Variants in EYS observed in about 807,000 individuals in gnomAD.
EYS encodes protein eyes shut homolog.
In EYS, 250 loss-of-function variants were observed where a neutral mutation model predicts 282.1. The ratio of observed to expected loss-of-function variants is 0.89; its 90% confidence interval spans 0.80 to 0.98. The LOEUF (loss-of-function observed/expected upper bound fraction) is 0.98, where lower values mean the gene tolerates loss of function less well. Among genes scored for constraint, EYS ranks in the 50% least tolerant of loss-of-function variants. EYS has a pLI of 0.00. For synonymous variants in EYS, 1,355 were observed against 1,282.9 expected, an observed-to-expected ratio of 1.06 and a Z score of -1.20; for missense variants, 4,016 against 3,709.0, an observed-to-expected ratio of 1.08 and a Z score of -2.15.
intron 36 of EYS, among the ~76,000 whole-genome samples, chr6:63,849,398 A>G (rs1223982096): frequency 1.3e-5 from 2 of 152,098 alleles, no homozygotes; most frequent in African/African-American, 4.8e-5. Context: ...ACTGGGAGAT[A>G]CCTCCCAGCA....
intron 1 of EYS, among the ~76,000 whole-genome samples, chr6:65,691,430 T>C (rs1769239397): frequency 6.7e-6 from 1 of 150,368 alleles, no homozygotes; most frequent in Non-Finnish European, 1.5e-5. Flanking sequence ...GATAGGGTTG[T>C]TTGTTTTTTT....
At chr6:64,470,175 A>T (rs1776077227) in intron 26 of EYS, among the ~76,000 whole-genome samples, 1 of 152,092 alleles carries the variant, frequency 6.6e-6, no homozygotes, top group South Asian at 2.1e-4. Flanking sequence ...CCCCGGGCCC[A>T]GTTGTCTTTT....
At chr6:64,178,056 G>A (rs1764687023) in intron 31 of EYS, among the ~76,000 whole-genome samples, 1 of 152,034 alleles carries the variant, frequency 6.6e-6, no homozygotes, top group Admixed American at 6.6e-5. Flanking sequence ...TCTTCCCTAG[G>A]TTTGTTTTTT....
chr6:64,232,138 C>T (rs1248783286), intron 30 of EYS, among the ~76,000 whole-genome samples: 1 of 152,036 alleles, frequency 6.6e-6, no homozygotes, highest in Non-Finnish European at 1.5e-5. Flanking sequence ...TCTTTCGCAA[C>T]CTGAAATTCT....
At chr6:64,747,395 G>T (rs1772593340) in intron 22 of EYS, among the ~76,000 whole-genome samples, 1 of 152,100 alleles carries the variant, frequency 6.6e-6, no homozygotes, top group Non-Finnish European at 1.5e-5. Context: ...TTTGTTTTGA[G>T]ATGGAGTCTG....
intron 12 of EYS, among the ~76,000 whole-genome samples, chr6:65,273,936 A>G (rs1459998912): frequency 6.6e-6 from 1 of 152,148 alleles, no homozygotes; most frequent in Admixed American, 6.5e-5. Flanking sequence ...TTTAAGGACT[A>G]CTGGACACTG....
rs1299497769 is a variant in EYS at position 65,443,387 on chromosome 6, T to C, written c.863-38020A>G. Among the ~76,000 whole-genome samples the C allele has an allele frequency of 1.3e-5, 2 of 149,850 alleles. 1 individual carries two copies. Among genetic ancestry groups the C allele is most frequent in the Non-Finnish European group, 3.0e-5 (2 of 67,120 alleles). On this transcript the variant is annotated intron_variant, in intron 5 of 42. Transcript: ENST00000503581. ...ACATGTATGTACACATATAGACATA[T>C]ATGCATACATGTATGTACACATATA...
At chr6:64,769,588 A>C (rs930101288) in intron 22 of EYS, among the ~76,000 whole-genome samples, 1 of 152,046 alleles carries the variant, frequency 6.6e-6, no homozygotes, top group African/African-American at 2.4e-5. Flanking sequence ...GACTACAGAC[A>C]CATGTAGTAA....
chr6:65,331,855 T>A, intron 11 of EYS: 1 of 392,044 alleles, frequency 2.6e-6, no homozygotes, highest in Non-Finnish European at 3.5e-6. Flanking sequence ...TATTGCTGAA[T>A]AACATTTCAT....
At chr6:65,567,381 G>A (rs1422605615) in intron 2 of EYS, among the ~76,000 whole-genome samples, 4 of 150,886 alleles carry the variant, frequency 2.7e-5, no homozygotes, top group Non-Finnish European at 5.9e-5. Flanking sequence ...ATTTATATTT[G>A]TATAGTAATA....
intron 35 of EYS, among the ~76,000 whole-genome samples, chr6:63,891,313 T>C (rs190307861): frequency 4.2e-4 from 64 of 152,278 alleles, no homozygotes; most frequent in Admixed American, 4.1e-3. Flanking sequence ...ATATCCCTGA[T>C]GAACATCGAT....
chr6:65,042,323 G>A (rs1180691602), intron 13 of EYS, among the ~76,000 whole-genome samples: 4 of 151,112 alleles, frequency 2.6e-5, no homozygotes, highest in Non-Finnish European at 5.9e-5. Context: ...TCTATACCTC[G>A]GTTGGATTTT....
intron 19 of EYS, among the ~76,000 whole-genome samples, chr6:64,845,944 G>T (rs2150038200): frequency 6.6e-6 from 1 of 152,130 alleles, no homozygotes; most frequent in South Asian, 2.1e-4. Flanking sequence ...CACTGGCATA[G>T]GTCCAGACCA....
At chr6:64,374,492 C>T (rs1369289178) in intron 29 of EYS, among the ~76,000 whole-genome samples, 5 of 151,032 alleles carry the variant, frequency 3.3e-5, no homozygotes, top group Admixed American at 3.3e-4. Context: ...CATGAATGCC[C>T]CTGGGCACTC....
chr6:64,346,015 C>T (rs2150400014), intron 29 of EYS, among the ~76,000 whole-genome samples: 1 of 152,202 alleles, frequency 6.6e-6, no homozygotes, highest in South Asian at 2.1e-4. Context: ...CCATCTCACA[C>T]CGGTTAGAAT....
At chr6:64,184,216 C>A (rs1308976434) in intron 31 of EYS, among the ~76,000 whole-genome samples, 4 of 152,102 alleles carry the variant, frequency 2.6e-5, no homozygotes, top group Admixed American at 2.6e-4. Flanking sequence ...CACATGTGGG[C>A]AAGTGTCTCG....
At chr6:64,221,796 T>C (rs1235499482) in intron 31 of EYS, among the ~76,000 whole-genome samples, 2 of 151,982 alleles carry the variant, frequency 1.3e-5, no homozygotes, top group Non-Finnish European at 2.9e-5. Flanking sequence ...ATAAGAAACT[T>C]GATTGTTTAT....
intron 36 of EYS, chr6:63,822,066 A>G (rs1771339379): frequency 6.6e-6 from 1 of 152,122 alleles, no homozygotes; most frequent in Non-Finnish European, 1.5e-5. Flanking sequence ...TTCCCTTGAA[A>G]TTTTCTAGCT....
At chr6:64,336,657 C>G (rs556380848) in intron 29 of EYS, among the ~76,000 whole-genome samples, 1 of 152,176 alleles carries the variant, frequency 6.6e-6, no homozygotes, top group African/African-American at 2.4e-5. Context: ...TTTTATTCAA[C>G]AAGCGCAGAA....
Sources: allele counts gnomAD v4.1 joint callset (sites outside exome capture counted in the v4.1 genomes callset), GRCh38; gene constraint gnomAD v4.1.1; transcripts MANE v1.5; gene names NCBI Gene and HGNC (gene_info 2026-07-23, HGNC 2026-07-21).